SEC31A: variants seen among roughly 807,000 people sequenced by gnomAD.
SEC31A encodes protein transport protein Sec31A.
SEC31A carries 70 observed loss-of-function variants against 151.0 expected under a neutral mutation model. The observed-to-expected ratio is 0.46, with a 90% CI of 0.38 to 0.57. The LOEUF is 0.57. Ranked by LOEUF, SEC31A falls within the 20% of genes least tolerant of loss-of-function variation. The pLI is 0.00. For synonymous variants in SEC31A, 475 were observed against 505.9 expected (o/e 0.94, Z 0.82); for missense variants, 1,330 against 1,471.2 (o/e 0.90, Z 1.57).
chr4:82,872,155 A>C (rs1157741665), intron 6 of SEC31A, 69 bp from the exon 7 acceptor site: 3 of 1,097,130 alleles, frequency 2.7e-6, no homozygotes, highest in Non-Finnish European at 1.4e-6. Context: ...ACAACGAGAA[A>C]TATACCTTTA....
chr4:82,834,373 C>A (rs1259290986), intron 22 of SEC31A, among the ~76,000 whole-genome samples: 1 of 152,236 alleles, frequency 6.6e-6, no homozygotes, highest in Non-Finnish European at 1.5e-5. Context: ...GGCTTTTAAG[C>A]TGTGGGTGTT....
intron 1 of SEC31A, among the ~76,000 whole-genome samples, chr4:82,886,170 C>A (rs1338226917): frequency 1.3e-5 from 2 of 152,084 alleles, no homozygotes; most frequent in Non-Finnish European, 2.9e-5. Flanking sequence ...AACAAAGCAA[C>A]CAGCATGCAT....
At chr4:82,861,732 G>A (rs748982560) in intron 13 of SEC31A, 24 bp from the exon 14 acceptor site, 1 of 1,536,616 alleles carries the variant, frequency 6.5e-7, no homozygotes, top group Non-Finnish European at 9.0e-7. Context: ...AACAATTACA[G>A]GGGAAGGTGA....
chr4:82,873,265 G>A (rs1043283291), intron 6 of SEC31A, among the ~76,000 whole-genome samples: 1 of 151,796 alleles, frequency 6.6e-6, no homozygotes, highest in Non-Finnish European at 1.5e-5. Flanking sequence ...GGCTGAGGCA[G>A]GAGAATTGCC....
At chr4:82,875,874 C>A in intron 4 of SEC31A, 52 bp from the exon 5 acceptor site, 1 of 950,952 alleles carries the variant, frequency 1.1e-6, no homozygotes, top group South Asian at 1.6e-5. Context: ...TAAGAAAATT[C>A]AGAATAACTC....
chr4:82,854,863 A>G (rs779763444), intron 17 of SEC31A, 40 bp downstream of exon 17: 2 of 1,556,344 alleles, frequency 1.3e-6, no homozygotes, highest in Non-Finnish European at 1.7e-6. Flanking sequence ...ATACCCTGCC[A>G]CGTATGTAAA....
At chr4:82,882,666 A>G (rs1324276243) in intron 1 of SEC31A, among the ~76,000 whole-genome samples, 2 of 152,224 alleles carry the variant, frequency 1.3e-5, no homozygotes, top group Non-Finnish European at 2.9e-5. Flanking sequence ...TTACTCAATG[A>G]TAAGAGCAGT....
At chr4:82,821,259 C>G (rs1033969827) in intron 25 of SEC31A, 151 bp from the exon 26 acceptor site, 11 of 641,206 alleles carry the variant, frequency 1.7e-5, no homozygotes, top group Non-Finnish European at 1.9e-5. Context: ...GAAACTTGAA[C>G]AGATTATGGC....
chr4:82,881,680 T>C (rs1360773002), intron 2 of SEC31A, among the ~76,000 whole-genome samples, 178 bp downstream of exon 2: 4 of 152,154 alleles, frequency 2.6e-5, no homozygotes, highest in African/African-American at 9.7e-5. Context: ...ATGTAACACA[T>C]CATGATCAAA....
At chr4:82,858,908 A>G (rs376694997) in intron 14 of SEC31A, among the ~76,000 whole-genome samples, 27 of 152,008 alleles carry the variant, frequency 1.8e-4, no homozygotes, top group South Asian at 8.3e-4. Flanking sequence ...TCACTGTGTT[A>G]GCCAGGATGG....
intron 4 of SEC31A, among the ~76,000 whole-genome samples, chr4:82,876,922 C>T (rs1349573382): frequency 6.6e-6 from 1 of 152,150 alleles, no homozygotes; most frequent in Non-Finnish European, 1.5e-5. Flanking sequence ...AAGGAGTTAG[C>T]TAAAGAGCAG....
At chr4:82,878,650 A>G (rs1045599016) in intron 4 of SEC31A, 80 bp downstream of exon 4, 105 of 1,210,654 alleles carry the variant, frequency 8.7e-5, no homozygotes, top group Admixed American at 1.9e-4. Context: ...CAATTCCAAA[A>G]CTGAGGCATA....
At chr4:82,883,019 C>A (rs1243802527) in intron 1 of SEC31A, among the ~76,000 whole-genome samples, 1 of 152,114 alleles carries the variant, frequency 6.6e-6, no homozygotes, top group African/African-American at 2.4e-5. Flanking sequence ...ATTTGGGAGG[C>A]TGAAGCAGAA....
At chr4:82,827,753 A>G (rs1385534019) in intron 23 of SEC31A, 121 bp from the exon 24 acceptor site, 2 of 904,592 alleles carry the variant, frequency 2.2e-6, no homozygotes, top group Non-Finnish European at 3.4e-6. Flanking sequence ...TAATAGTAGT[A>G]GAATACTTTT....
chr4:82,851,707 T>C, intron 18 of SEC31A, 103 bp from the exon 19 acceptor site: 1 of 940,406 alleles, frequency 1.1e-6, no homozygotes, highest in South Asian at 1.8e-5. Flanking sequence ...CCACTAAAAA[T>C]ATAGTACCTG....
At chr4:82,832,819 G>C (rs1028228007) in intron 22 of SEC31A, among the ~76,000 whole-genome samples, 33 of 152,272 alleles carry the variant, frequency 2.2e-4, no homozygotes, top group African/African-American at 7.7e-4. Flanking sequence ...CATCATCACT[G>C]GTCATTGGAG....
chr4:82,896,856 AC>A (rs1300075525), intron 3 of SEC31A, among the ~76,000 whole-genome samples: 1 of 152,152 alleles, frequency 6.6e-6, no homozygotes, highest in Non-Finnish European at 1.5e-5. Flanking sequence ...AAGGAGTTTG[AC>A]CTTTTTCCCC....
intron 22 of SEC31A, among the ~76,000 whole-genome samples, chr4:82,830,720 AAC>A (rs1199613205): frequency 6.6e-6 from 1 of 152,222 alleles, no homozygotes; most frequent in Non-Finnish European, 1.5e-5. Flanking sequence ...GTCTATATAA[AAC>A]AGACAGCCTT....
chr4:82,845,362 C>T, intron 20 of SEC31A: 1 of 915,056 alleles, frequency 1.1e-6, no homozygotes, highest in Non-Finnish European at 1.5e-6. Context: ...GAAAAAAACC[C>T]CAAAAGGTAT....
Sources: allele counts gnomAD v4.1 joint callset (sites outside exome capture counted in the v4.1 genomes callset), GRCh38; gene constraint gnomAD v4.1.1; transcripts MANE v1.5; gene names NCBI Gene and HGNC (gene_info 2026-07-23, HGNC 2026-07-21).